DCHS2: variants seen among roughly 807,000 people sequenced by gnomAD.
DCHS2 encodes protocadherin-23.
A neutral mutation model predicts 182.4 loss-of-function variants in DCHS2; 142 were observed. That is an observed-to-expected ratio of 0.78 (90% CI 0.68 to 0.89). DCHS2 has a LOEUF of 0.89. DCHS2 is among the 40% of genes least tolerant of loss of function. The pLI, the probability that DCHS2 is intolerant of heterozygous loss-of-function variation, is 0.00. For missense variants in DCHS2, 4,319 were observed against 4,198.6 expected (o/e 1.03, Z -0.79); for synonymous variants, 1,740 against 1,663.3 (o/e 1.05, Z -1.12).
At chr4:154,394,947 G>A (rs1731867854) in intron 1 of DCHS2, among the ~76,000 whole-genome samples, 1 of 152,090 alleles carries the variant, frequency 6.6e-6, no homozygotes, top group Non-Finnish European at 1.5e-5. Flanking sequence ...CAAGTGGAGG[G>A]ACTGAGAAAG....
chr4:154,248,416 A>C (rs760420939), intron 16 of DCHS2, among the ~76,000 whole-genome samples: 2 of 152,250 alleles, frequency 1.3e-5, no homozygotes, highest in Non-Finnish European at 2.9e-5. Flanking sequence ...AGAGAAAATC[A>C]GTTAATAGTG....
chr4:154,421,708 A>T (rs1367565246), intron 1 of DCHS2, among the ~76,000 whole-genome samples: 1 of 152,192 alleles, frequency 6.6e-6, no homozygotes, highest in Non-Finnish European at 1.5e-5. Flanking sequence ...CTGTGTTTAA[A>T]CACGCTTTCG....
intron 2 of DCHS2, among the ~76,000 whole-genome samples, chr4:154,375,792 C>T (rs1228255880): frequency 6.6e-6 from 1 of 151,980 alleles, no homozygotes; most frequent in Non-Finnish European, 1.5e-5. Context: ...CACCATATTG[C>T]AAGTATAAGA....
chr4:154,378,454 A>G (rs1396717845), intron 1 of DCHS2, among the ~76,000 whole-genome samples: 1 of 141,028 alleles, frequency 7.1e-6, no homozygotes, highest in East Asian at 2.4e-4. Context: ...GGAGGGAAGG[A>G]AGGAAGGGAG....
intron 7 of DCHS2, chr4:154,323,302 G>C: frequency 5.8e-6 from 9 of 1,541,708 alleles, no homozygotes; most frequent in Non-Finnish European, 7.9e-6. Context: ...CCCAAATGCT[G>C]TTTTTCCCTT....
intron 1 of DCHS2, among the ~76,000 whole-genome samples, chr4:154,385,746 G>T (rs908231947): frequency 6.6e-6 from 1 of 151,914 alleles, no homozygotes; most frequent in Non-Finnish European, 1.5e-5. Flanking sequence ...CCTACCTCAG[G>T]CTCCCAAAGT....
chr4:154,304,203 A>T (rs918598534), intron 12 of DCHS2, among the ~76,000 whole-genome samples: 86 of 151,856 alleles, frequency 5.7e-4, no homozygotes, highest in African/African-American at 1.8e-3. Flanking sequence ...AAGAAAAATT[A>T]AAAAAAATTA....
chr4:154,390,585 C>A (rs928477033), intron 1 of DCHS2, among the ~76,000 whole-genome samples: 1 of 151,932 alleles, frequency 6.6e-6, no homozygotes, highest in Non-Finnish European at 1.5e-5. Flanking sequence ...TCCAGATACT[C>A]CTGAAAAACA....
rs984857656 is a variant in DCHS2 at position 154,489,720 on chromosome 4, C to T, written c.1636G>A (p.Ala546Thr). The change falls in exon 1 of 20, where the codon GCC becomes ACC. Residue 546 changes from alanine (A) to threonine (T), a missense_variant. By Grantham distance (58) the Ala-to-Thr change is moderately conservative. Coordinates refer to ENST00000357232, the MANE Select transcript of DCHS2 (RefSeq NM_001358235.2). ...GGGGCCGCGGCCTCGGACACTGAGG[C>T]CTTGTAATGCTGTTGGCTGAAGAGA... is the stretch of plus-strand genomic sequence containing the variant. ...PPLFSQQHYKASVSEAAAPGT... is the reference protein window; with the variant it reads ...PPLFSQQHYKTSVSEAAAPGT... 6.4e-7 allele frequency: 1 copy of T among 1,551,520 alleles called. No individual in the cohort carries two copies. Among genetic ancestry groups the T allele is most frequent in the African/African-American group, 1.4e-5 (1 of 73,046 alleles).
intron 13 of DCHS2, among the ~76,000 whole-genome samples, chr4:154,276,672 A>G (rs1166995458): frequency 6.6e-6 from 1 of 152,228 alleles, no homozygotes; most frequent in Non-Finnish European, 1.5e-5. Flanking sequence ...ACTACTTAAG[A>G]AAAGCCTGGA....
chr4:154,301,559 G>A (rs559446663), intron 12 of DCHS2, among the ~76,000 whole-genome samples: 84 of 152,164 alleles, frequency 5.5e-4, no homozygotes, highest in African/African-American at 2.0e-3. Context: ...AGGCTGGAGT[G>A]CAATGGCGCA....
Position 154,320,431 on chromosome 4 carries a change from G to A in DCHS2, c.4968C>T (p.Tyr1656=). 1 of 1,614,092 alleles carries A rather than the reference G, an allele frequency of 6.2e-7. No individual in the cohort carries two copies. The highest frequency in any genetic ancestry group is 8.5e-7 in the Non-Finnish European group (1 of 1,179,986). ...PDEGRNGKVT[Y]SILSGNENMT... Reference sequence around the variant, plus strand: ...TGTTTTCATTTCCTGAGAGGATGCTGTATGTTACTTTTCCATTCCTTCCTT... The same window carrying A: ...TGTTTTCATTTCCTGAGAGGATGCTATATGTTACTTTTCCATTCCTTCCTT... The change falls in exon 9 of 20, where the codon TAC becomes TAT. Residue 1656 remains tyrosine, a synonymous_variant. Transcript: ENST00000357232.
chr4:154,304,689 G>A lies in DCHS2; in HGVS notation c.5585C>T (p.Ala1862Val), dbSNP rs1412753345. 6.2e-7 allele frequency: 1 copy of A among 1,611,260 alleles called. No homozygotes were observed. The highest frequency in any genetic ancestry group is 2.2e-5 in the East Asian group (1 of 44,800). Reference protein sequence around the residue: ...ASDMDAGNNRAVEYHIIDGNT... With the variant: ...ASDMDAGNNRVVEYHIIDGNT... ...CTTACCAATTATGTGATATTCAACA[G>A]CTCTGTTATTGCCAGCATCCATATC... Residue 1862 changes from alanine (A) to valine (V), a missense_variant, in exon 12 of 20, where the codon GCT (alanine) becomes GTT (valine). Transcript: ENST00000357232.
At chr4:154,439,367 C>G (rs1733904537) in intron 1 of DCHS2, among the ~76,000 whole-genome samples, 1 of 152,092 alleles carries the variant, frequency 6.6e-6, no homozygotes, top group Non-Finnish European at 1.5e-5. Context: ...CTGAAAAAGT[C>G]CATTTTCCCA....
intron 3 of DCHS2, among the ~76,000 whole-genome samples, chr4:154,337,479 C>T (rs1302591714): frequency 6.6e-6 from 1 of 152,118 alleles, no homozygotes; most frequent in African/African-American, 2.4e-5. Flanking sequence ...CGATGGCTCC[C>T]CAGCTTTTCA....
chr4:154,486,505 C>T (rs1188647289), intron 1 of DCHS2: 12 of 1,304,496 alleles, frequency 9.2e-6, no homozygotes, highest in Non-Finnish European at 1.2e-5. Flanking sequence ...ACAAAGGCAA[C>T]TTGAGCAGAT....
At chr4:154,365,093 C>G (rs1182326672) in intron 3 of DCHS2, among the ~76,000 whole-genome samples, 1 of 152,060 alleles carries the variant, frequency 6.6e-6, no homozygotes, top group Non-Finnish European at 1.5e-5. Flanking sequence ...CTTAAATATT[C>G]ATGATTTCTA....
At chr4:154,392,489 C>T (rs1731752595) in intron 1 of DCHS2, among the ~76,000 whole-genome samples, 1 of 152,092 alleles carries the variant, frequency 6.6e-6, no homozygotes, top group Non-Finnish European at 1.5e-5. Context: ...CACAATATAA[C>T]CTTAAGGGCT....
intron 14 of DCHS2, among the ~76,000 whole-genome samples, chr4:154,264,071 A>C (rs1026010907): frequency 1.3e-5 from 2 of 152,174 alleles, no homozygotes; most frequent in African/African-American, 4.8e-5. Flanking sequence ...TAAAACTCTT[A>C]GGAATTAAAC....
Sources: allele counts gnomAD v4.1 joint callset (sites outside exome capture counted in the v4.1 genomes callset), GRCh38; gene constraint gnomAD v4.1.1; transcripts MANE v1.5; gene names NCBI Gene and HGNC (gene_info 2026-07-23, HGNC 2026-07-21).